CSMD1: variants seen among roughly 807,000 people sequenced by gnomAD.
CSMD1 encodes the protein CUB and sushi domain-containing protein 1.
In CSMD1, 213 loss-of-function variants were observed where a neutral mutation model predicts 417.5. The observed-to-expected ratio is 0.51, with a 90% CI of 0.46 to 0.57. The LOEUF (loss-of-function observed/expected upper bound fraction) is 0.57. Ranked by LOEUF, CSMD1 falls within the 20% of genes least tolerant of loss-of-function variation. The pLI is 0.00. For synonymous variants in CSMD1, 2,862 were observed against 1,736.8 expected (o/e 1.65, Z -16.11); for missense variants, 6,923 against 4,529.7 (o/e 1.53, Z -15.17).
intron 10 of CSMD1, among the ~76,000 whole-genome samples, chr8:3,541,529 A>C (rs1208788905): frequency 6.6e-6 from 1 of 151,516 alleles, no homozygotes; most frequent in Non-Finnish European, 1.5e-5. Context: ...CTGGAACTCA[A>C]AATAAAAATT....
chr8:4,386,558 G>A lies in CSMD1; in HGVS notation c.415+33395C>T, dbSNP rs754503422. Reference sequence around the variant, plus strand: ...GGAACTTAAAGCAAGCCTAAAATAAGTAAGACCTATAAGAGAGAAAGGCCT... The same window carrying A: ...GGAACTTAAAGCAAGCCTAAAATAAATAAGACCTATAAGAGAGAAAGGCCT... On this transcript the variant is annotated intron_variant, in intron 3 of 69. Coordinates refer to ENST00000635120, the MANE Select transcript of CSMD1 (RefSeq NM_033225.6). Among the ~76,000 whole-genome samples the A allele has an allele frequency of 2.6e-5, 4 of 152,186 alleles. 1 individual carries two copies. The highest frequency in any genetic ancestry group is 9.7e-5 in the African/African-American group (4 of 41,446).
chr8:3,670,001 A>G (rs6984213), intron 7 of CSMD1, among the ~76,000 whole-genome samples: 23,605 of 152,210 alleles, frequency 0.16, 2,056 homozygotes, highest in South Asian at 0.22. Context: ...AATTGCATAC[A>G]TTTCTAAATA....
intron 12 of CSMD1, among the ~76,000 whole-genome samples, chr8:3,458,681 T>C (rs528234746): frequency 1.3e-5 from 2 of 152,336 alleles, no homozygotes; most frequent in South Asian, 4.1e-4. Context: ...AATGAACACA[T>C]ATAATCTATT....
At chr8:4,445,336 A>C (rs114941444) in intron 2 of CSMD1, among the ~76,000 whole-genome samples, 1 of 152,196 alleles carries the variant, frequency 6.6e-6, no homozygotes, top group Non-Finnish European at 1.5e-5. Flanking sequence ...TGTATACTTC[A>C]GAAGTGTATG....
At chr8:4,304,336 G>T (rs532035837) in intron 3 of CSMD1, among the ~76,000 whole-genome samples, 2 of 152,254 alleles carry the variant, frequency 1.3e-5, no homozygotes, top group South Asian at 4.2e-4. Flanking sequence ...ATGTCAAACT[G>T]ATGTCTTAGA....
intron 2 of CSMD1, among the ~76,000 whole-genome samples, chr8:4,632,736 T>A (rs978809624): frequency 6.6e-6 from 1 of 152,172 alleles, no homozygotes; most frequent in Non-Finnish European, 1.5e-5. Flanking sequence ...CAGGAGTTCA[T>A]GCACACAAAG....
intron 5 of CSMD1, among the ~76,000 whole-genome samples, chr8:3,942,277 C>T (rs906626743): frequency 7.9e-5 from 12 of 152,056 alleles, no homozygotes; most frequent in African/African-American, 2.9e-4. Context: ...ATGTAATGCG[C>T]TTGAATCATC....
In CSMD1 at chr8:4,725,092, T is replaced by G. The variant is rs558294429; in HGVS notation, c.86-87534A>C. On this transcript the variant is annotated intron_variant, in intron 1 of 69. Coordinates refer to ENST00000635120, the MANE Select transcript of CSMD1 (RefSeq NM_033225.6). ...ACTTTTGCCATTTGCGATCCGAACT[T>G]TTCAAATTAAATGTATCCTGAAAGG... Among the ~76,000 whole-genome samples, 20 of 152,274 alleles carry G rather than the reference T, an allele frequency of 1.3e-4. No homozygotes were observed. In the South Asian group the frequency reaches 3.9e-3, roughly 30 times the overall value.
intron 5 of CSMD1, among the ~76,000 whole-genome samples, chr8:3,936,976 T>C (rs1810541456): frequency 6.6e-6 from 1 of 152,158 alleles, no homozygotes; most frequent in South Asian, 2.1e-4. Context: ...TTAAAAGAAG[T>C]TGATTTCAAT....
chr8:3,818,638 G>C (rs531788193), intron 5 of CSMD1, among the ~76,000 whole-genome samples: 77 of 152,272 alleles, frequency 5.1e-4, no homozygotes, highest in African/African-American at 1.6e-3. Flanking sequence ...CCCACAGCAA[G>C]GGATGCCCGG....
intron 2 of CSMD1, among the ~76,000 whole-genome samples, chr8:4,496,099 A>G (rs559854753): frequency 3.4e-4 from 52 of 152,320 alleles, no homozygotes; most frequent in African/African-American, 1.2e-3. Context: ...TTTGGCATAC[A>G]TGAGCTAAGT....
intron 5 of CSMD1, among the ~76,000 whole-genome samples, chr8:3,900,754 G>A (rs568102570): frequency 1.1e-4 from 16 of 151,778 alleles, no homozygotes; most frequent in African/African-American, 3.4e-4. Context: ...CCGCAACTGG[G>A]TGACAGTACA....
At chr8:3,829,792 G>A (rs1164767211) in intron 5 of CSMD1, among the ~76,000 whole-genome samples, 1 of 152,060 alleles carries the variant, frequency 6.6e-6, no homozygotes, top group South Asian at 2.1e-4. Flanking sequence ...ATTGAATGAG[G>A]TTTTCCAACA....
intron 12 of CSMD1, among the ~76,000 whole-genome samples, chr8:3,431,231 C>G (rs1254024299): frequency 1.3e-5 from 2 of 152,162 alleles, no homozygotes; most frequent in African/African-American, 2.4e-5. Flanking sequence ...CATGCAACAG[C>G]TGAAACTCCC....
intron 2 of CSMD1, among the ~76,000 whole-genome samples, chr8:4,590,171 GTTT>G (rs72043012): frequency 2.0e-5 from 3 of 149,188 alleles, no homozygotes; most frequent in Non-Finnish European, 4.5e-5. Context: ...TCTTTATGCT[GTTT>G]TTTTTTTCTT....
intron 2 of CSMD1, among the ~76,000 whole-genome samples, chr8:4,428,433 C>T (rs1411392564): frequency 6.6e-6 from 1 of 152,120 alleles, no homozygotes. Context: ...TTTGCTAATG[C>T]AATATGGAAA....
At chr8:3,983,544 C>T (rs992068622) in intron 5 of CSMD1, among the ~76,000 whole-genome samples, 2 of 152,168 alleles carry the variant, frequency 1.3e-5, no homozygotes, top group African/African-American at 2.4e-5. Flanking sequence ...CATTTCAGTG[C>T]CGTGGAGAAG....
In CSMD1 at chr8:3,053,171, G is replaced by T. The variant is rs548863796; in HGVS notation, c.7475-524C>A. On this transcript the variant is annotated intron_variant, in intron 49 of 69. Transcript: ENST00000635120. ...TTAAATGAGGAACAATGGAAAATGG[G>T]TCAGAATAAAAGCTCTTCATAATTA... 2.6e-5 allele frequency among the ~76,000 whole-genome samples: 4 copies of T among 152,288 alleles called. No individual in the cohort carries two copies. In the South Asian group the frequency reaches 8.3e-4, roughly 32 times the overall value.
chr8:4,980,915 A>AT (rs1030381789), intron 1 of CSMD1, among the ~76,000 whole-genome samples: 1 of 152,084 alleles, frequency 6.6e-6, no homozygotes, highest in African/African-American at 2.4e-5. Context: ...AAAAAAAAAA[A>AT]CTTATTATCT....
Sources: allele counts gnomAD v4.1 joint callset (sites outside exome capture counted in the v4.1 genomes callset), GRCh38; gene constraint gnomAD v4.1.1; transcripts MANE v1.5; gene names NCBI Gene and HGNC (gene_info 2026-07-23, HGNC 2026-07-21).